The following SPOP variants were observed in gnomAD, a reference collection of about 807,000 sequenced individuals.
SPOP encodes speckle type BTB/POZ protein, also known as speckle-type POZ protein.
In SPOP, 11 loss-of-function variants were observed where a neutral mutation model predicts 45.6. The ratio of observed to expected loss-of-function variants is 0.24; its 90% CI spans 0.15 to 0.40. The LOEUF (loss-of-function observed/expected upper bound fraction) is 0.40. Among genes scored for constraint, SPOP ranks in the 10% least tolerant of loss-of-function variants. The probability of loss-of-function intolerance (pLI) is 1.00; values close to 1 mark genes in which losing one functional copy is unlikely to be tolerated. For synonymous variants in SPOP, 166 were observed against 166.3 expected (o/e 1.00, Z 0.01); for missense variants, 152 against 465.6 (o/e 0.33, Z 6.20).
Position 49,662,345 on chromosome 17 carries a change from A to G in SPOP, c.-67+15588T>C, listed in dbSNP as rs1195685329. ...AAGATTATTATATACTTGAAAGACT[A>G]TCTGGCTGAAAATCCAAACACCATA... On this transcript the variant is annotated intron_variant, in intron 1 of 9. Coordinates refer to ENST00000504102, the MANE Select transcript of SPOP (RefSeq NM_001007228.2). 2.6e-5 allele frequency among the ~76,000 whole-genome samples: 4 copies of G among 152,220 alleles called. No homozygotes were observed. The East Asian group carries it at 7.7e-4, about 29-fold the overall frequency.
intron 5 of SPOP, among the ~76,000 whole-genome samples, chr17:49,613,872 AT>A (rs1017686292): frequency 2.0e-5 from 3 of 152,118 alleles, no homozygotes; most frequent in Non-Finnish European, 4.4e-5. Flanking sequence ...AAAACTAAAG[AT>A]TTTTTTTAAT....
Position 49,608,019 on chromosome 17 carries a change from C to T in SPOP, c.659-90G>A. 4 of 1,165,326 alleles carry T rather than the reference C, an allele frequency of 3.4e-6. No individual in the cohort carries two copies. In the Admixed American group the frequency reaches 5.6e-5, roughly 16 times the overall value. The allele number at this position is 1,165,326 out of a possible 1,614,324, so 72.2% of individuals were successfully genotyped here. A position where few individuals can be genotyped will look rare whatever the true frequency, so the allele number is the denominator to read the frequency against. On this transcript the variant is annotated intron_variant, in intron 6 of 9. Transcript: ENST00000504102. Reference sequence around the variant, plus strand: ...TCATGAGGGAGAGATCATTTTCTAACCTATCCTACTGCTATAGGAAAGGTC... The same window carrying T: ...TCATGAGGGAGAGATCATTTTCTAATCTATCCTACTGCTATAGGAAAGGTC...
Position 49,601,906 on chromosome 17 carries a change from A to G in SPOP, c.939T>C (p.Ser313=). ...AEILILADLH[S]ADQLKTQAVD... ...CTGCCTGAGTTTTCAACTGATCTGC[A>G]CTGTGGAGGTCGGCCAGGATGAGAA... is the stretch of plus-strand genomic sequence containing the variant. The change falls in exon 9 of 10, where the codon AGT becomes AGC. Residue 313 remains serine, a synonymous_variant. Coordinates refer to ENST00000504102, the MANE Select transcript of SPOP (RefSeq NM_001007228.2). 6.2e-7 allele frequency: 1 copy of G among 1,614,180 alleles called. No individual in the cohort carries two copies. The highest frequency in any genetic ancestry group is 8.5e-7 in the Non-Finnish European group (1 of 1,179,996).
At chr17:49,614,812 TG>T (rs1217804893) in intron 5 of SPOP, among the ~76,000 whole-genome samples, 9 of 97,104 alleles carry the variant, frequency 9.3e-5, no homozygotes, top group Non-Finnish European at 2.5e-4. Context: ...AGTGTGTGTG[TG>T]TGTGTGTGTG....
intron 1 of SPOP, among the ~76,000 whole-genome samples, chr17:49,641,372 C>T (rs1001738487): frequency 2.7e-5 from 4 of 150,368 alleles, no homozygotes; most frequent in Admixed American, 2.0e-4. Context: ...ATCTACCATC[C>T]TGTATCTTTT....
chr17:49,674,826 A>G (rs1251508096), intron 1 of SPOP, among the ~76,000 whole-genome samples: 1 of 152,232 alleles, frequency 6.6e-6, no homozygotes, highest in South Asian at 2.1e-4. Flanking sequence ...TGGATTTGCT[A>G]TTATCCAGAC....
intron 5 of SPOP, among the ~76,000 whole-genome samples, chr17:49,616,693 G>A (rs995501254): frequency 6.6e-6 from 1 of 152,096 alleles, no homozygotes; most frequent in African/African-American, 2.4e-5. Flanking sequence ...AGAGAGCCTT[G>A]GAACAGAAAC....
intron 1 of SPOP, among the ~76,000 whole-genome samples, chr17:49,673,740 A>G (rs2047761786): frequency 1.3e-5 from 2 of 152,152 alleles, no homozygotes; most frequent in East Asian, 1.9e-4. Flanking sequence ...ACCCTTAATC[A>G]TGTCTTCACA....
chr17:49,601,345 A>C (rs1285553532), intron 9 of SPOP: 2 of 152,270 alleles, frequency 1.3e-5, no homozygotes, highest in African/African-American at 2.4e-5. Context: ...ATTTCATATT[A>C]TTATTATTCC....
intron 3 of SPOP, among the ~76,000 whole-genome samples, chr17:49,621,504 ATTT>A (rs2072221130): frequency 6.6e-6 from 1 of 152,210 alleles, no homozygotes; most frequent in African/African-American, 2.4e-5. Context: ...AAGTAAAGAG[ATTT>A]TTATGTTAAA....
chr17:49,651,536 T>C (rs1313107048), intron 1 of SPOP, among the ~76,000 whole-genome samples: 1 of 152,226 alleles, frequency 6.6e-6, no homozygotes, highest in African/African-American at 2.4e-5. Context: ...CAACCAAATC[T>C]TTACTGATTA....
At chr17:49,607,648 A>G (rs73987359) in intron 7 of SPOP, among the ~76,000 whole-genome samples, 1,910 of 152,232 alleles carry the variant, frequency 0.013, 19 homozygotes, top group Non-Finnish European at 0.016. Context: ...ATGTCTAAAT[A>G]CCCTCACCCA....
chr17:49,666,825 T>C (rs556281102), intron 1 of SPOP, among the ~76,000 whole-genome samples: 25 of 151,852 alleles, frequency 1.6e-4, no homozygotes, highest in African/African-American at 6.0e-4. Flanking sequence ...TAAGACTCCA[T>C]CTCAAAAAAA....
intron 1 of SPOP, among the ~76,000 whole-genome samples, chr17:49,654,512 T>C (rs1439795883): frequency 6.6e-6 from 1 of 152,252 alleles, no homozygotes; most frequent in Admixed American, 6.5e-5. Flanking sequence ...TTTTCCTTTC[T>C]TTCTTTTTTT....
At chr17:49,612,361 T>C (rs1025326901) in intron 5 of SPOP, among the ~76,000 whole-genome samples, 3 of 152,246 alleles carry the variant, frequency 2.0e-5, no homozygotes, top group African/African-American at 4.8e-5. Context: ...ATCTTTCTAG[T>C]AGTGAAAACT....
At chr17:49,638,161 A>G (rs2072577072) in intron 1 of SPOP, among the ~76,000 whole-genome samples, 1 of 152,278 alleles carries the variant, frequency 6.6e-6, no homozygotes, top group Admixed American at 6.5e-5. Context: ...CCTACAAAGT[A>G]GCTCAAAACA....
chr17:49,614,505 C>T (rs1183115858), intron 5 of SPOP, among the ~76,000 whole-genome samples: 1 of 152,068 alleles, frequency 6.6e-6, no homozygotes, highest in Non-Finnish European at 1.5e-5. Context: ...TATTTATCAT[C>T]CTCTGAGTGG....
intron 1 of SPOP, among the ~76,000 whole-genome samples, chr17:49,653,148 G>T (rs1363982609): frequency 6.6e-6 from 1 of 151,910 alleles, no homozygotes; most frequent in Non-Finnish European, 1.5e-5. Flanking sequence ...GAATCTCTAA[G>T]GTCCCTTCAG....
At chr17:49,605,885 G>A (rs1228243786) in intron 8 of SPOP, among the ~76,000 whole-genome samples, 1 of 151,108 alleles carries the variant, frequency 6.6e-6, no homozygotes. Flanking sequence ...CTATTCAGGA[G>A]GCTGAGGCAG....
Sources: gnomAD v4.1 joint callset for allele counts (sites outside exome capture counted in the v4.1 genomes callset) on GRCh38, gnomAD v4.1.1 for gene constraint, MANE v1.5 for transcripts, NCBI Gene and HGNC (gene_info 2026-07-23, HGNC 2026-07-21) for gene names.